Variants in ZDHHC15 observed in about 807,000 individuals in gnomAD.
ZDHHC15 encodes palmitoyltransferase ZDHHC15.
In ZDHHC15, 19 loss-of-function variants were observed where a neutral mutation model predicts 31.7. That is an observed-to-expected ratio of 0.60 (90% confidence interval 0.42 to 0.88). The LOEUF (loss-of-function observed/expected upper bound fraction) is 0.88, where lower values mean the gene tolerates loss of function less well. Among genes scored for constraint, ZDHHC15 ranks in the 40% least tolerant of loss-of-function variants. ZDHHC15 has a pLI of 0.00. For missense variants in ZDHHC15, 209 were observed against 251.2 expected, an observed-to-expected ratio of 0.83 and a Z score of 1.14; for synonymous variants, 103 against 90.0, an observed-to-expected ratio of 1.14 and a Z score of -0.82.
At chrX:75,472,654 G>T (rs188706579) in intron 3 of ZDHHC15, among the ~76,000 whole-genome samples, 2 of 112,034 alleles carry the variant, frequency 1.8e-5, no homozygotes, top group African/African-American at 6.5e-5. Context: ...TAATCAAGTG[G>T]ATAGGACGAC....
At chrX:75,448,416 T>C (rs963572550) in intron 4 of ZDHHC15, among the ~76,000 whole-genome samples, 1 of 112,309 alleles carries the variant, frequency 8.9e-6, no homozygotes, top group Non-Finnish European at 1.9e-5. Flanking sequence ...GTTATGGGTG[T>C]TTCCTTCTTA....
intron 4 of ZDHHC15, among the ~76,000 whole-genome samples, chrX:75,449,118 C>G (rs779936207): frequency 1.8e-5 from 2 of 108,962 alleles, no homozygotes; most frequent in Non-Finnish European, 3.8e-5. Context: ...TTTCCTGATT[C>G]TCCAGCTTGC....
chrX:75,465,529 A>T (rs928652325), intron 3 of ZDHHC15, among the ~76,000 whole-genome samples: 1 of 111,852 alleles, frequency 8.9e-6, no homozygotes, highest in African/African-American at 3.2e-5. Flanking sequence ...TAAAGGCACC[A>T]TGCTACAGAC....
chrX:75,476,311 G>T (rs745667211), intron 3 of ZDHHC15, among the ~76,000 whole-genome samples: 5 of 109,926 alleles, frequency 4.5e-5, no homozygotes, highest in Non-Finnish European at 9.5e-5. Flanking sequence ...ATATTTGATA[G>T]AATTCATCTG....
intron 1 of ZDHHC15, among the ~76,000 whole-genome samples, chrX:75,517,683 C>G (rs989985195): frequency 6.9e-4 from 75 of 108,515 alleles, no homozygotes; most frequent in Admixed American, 1.8e-3. Context: ...CACATGTATA[C>G]ATATGTAACA....
chrX:75,445,093 C>T (rs1450254298), intron 4 of ZDHHC15, among the ~76,000 whole-genome samples: 2 of 111,080 alleles, frequency 1.8e-5, no homozygotes, highest in Admixed American at 1.9e-4. Flanking sequence ...TGGGACTTCT[C>T]AGCCTCCATA....
intron 10 of ZDHHC15, among the ~76,000 whole-genome samples, chrX:75,385,471 G>T (rs1013379837): frequency 2.7e-5 from 3 of 111,417 alleles, no homozygotes; most frequent in African/African-American, 9.8e-5. Context: ...TACGTCTAAG[G>T]TCCCACCCAA....
At chrX:75,509,817 CAAAAATAAATTGTTTAGTGAGGTTA>C in intron 1 of ZDHHC15, among the ~76,000 whole-genome samples, 2 of 112,185 alleles carry the variant, frequency 1.8e-5, no homozygotes, top group African/African-American at 6.5e-5. Flanking sequence ...CATTTTTCTA[CAAAAATAAATTGTTTAGTGAGGTTA>C]CATTTTACAA....
At position 75,505,801 on chromosome X, in the gene ZDHHC15, A is replaced by T. The variant is rs1221433669; in HGVS notation, c.163+20T>A. On this transcript the variant is annotated intron_variant, in intron 2 of 11. Transcript: ENST00000373367. ...AAAAGGACACGGTCCTGATCAATAC[A>T]ATTTCCAACATCATCTTACCTTTTT... The T allele has an allele frequency of 3.3e-6, 4 of 1,206,793 alleles. No individual in the cohort carries two copies. Among genetic ancestry groups the T allele is most frequent in the Admixed American group, 2.2e-5 (1 of 45,269 alleles).
chrX:75,471,633 A>T (rs919538972), intron 3 of ZDHHC15, among the ~76,000 whole-genome samples: 14 of 112,181 alleles, frequency 1.2e-4, no homozygotes, highest in Admixed American at 1.2e-3. Flanking sequence ...TCATTTGAGC[A>T]TGTTACTCTG....
chrX:75,493,764 G>A, intron 2 of ZDHHC15, among the ~76,000 whole-genome samples: 1 of 111,749 alleles, frequency 8.9e-6, no homozygotes, highest in East Asian at 2.8e-4. Flanking sequence ...AGTAAATTAG[G>A]TATTGATGGG....
At chrX:75,428,300 C>T (rs940054073) in intron 7 of ZDHHC15, among the ~76,000 whole-genome samples, 2 of 111,559 alleles carry the variant, frequency 1.8e-5, no homozygotes, top group Admixed American at 9.6e-5. Context: ...TTTTGCCAGA[C>T]CTTGTACACA....
chrX:75,471,321 G>A (rs949354421), intron 3 of ZDHHC15, among the ~76,000 whole-genome samples: 3 of 112,279 alleles, frequency 2.7e-5, no homozygotes, highest in African/African-American at 9.7e-5. Flanking sequence ...TTTCGCTTCT[G>A]CAAGATATCA....
chrX:75,499,901 C>A (rs1412691723), intron 2 of ZDHHC15, among the ~76,000 whole-genome samples: 1 of 111,759 alleles, frequency 8.9e-6, no homozygotes, highest in Admixed American at 9.6e-5. Context: ...GCTCATCAAC[C>A]AATGAGTGGA....
chrX:75,439,351 TG>T (rs2083907216), intron 4 of ZDHHC15, among the ~76,000 whole-genome samples: 1 of 111,852 alleles, frequency 8.9e-6, no homozygotes, highest in African/African-American at 3.2e-5. Context: ...TTGGAGCCTT[TG>T]TTCATTTTTT....
At chrX:75,431,406 T>C (rs1320298003) in intron 5 of ZDHHC15, 45 bp downstream of exon 5, 3 of 1,158,622 alleles carry the variant, frequency 2.6e-6, no homozygotes, top group Non-Finnish European at 3.5e-6. Context: ...CTAGGAAACC[T>C]TCAGTGGCCA....
chrX:75,494,063 C>G (rs1287243930), intron 2 of ZDHHC15, among the ~76,000 whole-genome samples: 1 of 111,701 alleles, frequency 9.0e-6, no homozygotes, highest in Non-Finnish European at 1.9e-5. Flanking sequence ...TCTCCTTAAA[C>G]TGATAGGCAA....
chrX:75,450,720 G>C lies in ZDHHC15; in HGVS notation c.379+82C>G, dbSNP rs748296195. The C allele has an allele frequency of 9.0e-5, 108 of 1,204,245 alleles. No homozygotes were observed. In the East Asian group the frequency reaches 3.2e-3, roughly 35 times the overall value. ...TTCAGAAGATGGGAGGAAAAAAAAG[G>C]GCTAGTTTGAGAACATATATGACTT... is the stretch of plus-strand genomic sequence containing the variant. On this transcript the variant is annotated intron_variant, in intron 4 of 11. Transcript: ENST00000373367.
intron 4 of ZDHHC15, among the ~76,000 whole-genome samples, chrX:75,437,174 C>G (rs1054890952): frequency 9.0e-6 from 1 of 111,429 alleles, no homozygotes; most frequent in Non-Finnish European, 1.9e-5. Context: ...AGCCACCGCG[C>G]CAAGCCCCTG....
Sources: gnomAD v4.1 joint callset for allele counts (sites outside exome capture counted in the v4.1 genomes callset) on GRCh38, gnomAD v4.1.1 for gene constraint, MANE v1.5 for transcripts, NCBI Gene and HGNC (gene_info 2026-07-23, HGNC 2026-07-21) for gene names.